The following OR2T2 variants were observed in gnomAD, a reference collection of about 807,000 sequenced individuals.
OR2T2 encodes olfactory receptor family 2 subfamily T member 2.
For synonymous variants in OR2T2, 50 were observed against 162.7 expected, an observed-to-expected ratio of 0.31 and a Z score of 5.27; for missense variants, 138 against 409.1, an observed-to-expected ratio of 0.34 and a Z score of 5.72.
intron 2 of OR2T2, among the ~76,000 whole-genome samples, chr1:248,447,861 T>C (rs1395100944): frequency 6.7e-6 from 1 of 150,164 alleles, no homozygotes; most frequent in Non-Finnish European, 1.5e-5. Flanking sequence ...TTCCATAGTT[T>C]TAGTTAACCT....
chr1:248,451,860 A>ATT (rs1273966529), intron 2 of OR2T2, among the ~76,000 whole-genome samples: 73 of 104,118 alleles, frequency 7.0e-4, no homozygotes, highest in African/African-American at 4.1e-3. Flanking sequence ...GTAGCAGTGG[A>ATT]TTACTAGGAT....
At chr1:248,446,909 G>C (rs1444835558) in intron 2 of OR2T2, 98 bp downstream of exon 2, 3 of 113,214 alleles carry the variant, frequency 2.6e-5, no homozygotes, top group East Asian at 4.6e-4. Context: ...TGCCATTATA[G>C]TGCTGATTTT....
At chr1:248,450,379 T>G (rs1438526523) in intron 2 of OR2T2, among the ~76,000 whole-genome samples, 2 of 145,090 alleles carry the variant, frequency 1.4e-5, no homozygotes, top group Non-Finnish European at 3.0e-5. Context: ...CTCGGTTGTA[T>G]AAAAATGAGG....
chr1:248,447,576 C>G (rs1662694717), intron 2 of OR2T2, among the ~76,000 whole-genome samples: 2 of 150,294 alleles, frequency 1.3e-5, no homozygotes, highest in South Asian at 4.3e-4. Flanking sequence ...CATTTGCGAG[C>G]CTTTTGACAT....
intron 2 of OR2T2, among the ~76,000 whole-genome samples, chr1:248,450,234 A>T (rs1187059075): frequency 6.8e-6 from 1 of 147,468 alleles, no homozygotes; most frequent in Admixed American, 6.6e-5. Flanking sequence ...TTTTCCCTAC[A>T]CATATCCCCA....
intron 2 of OR2T2, among the ~76,000 whole-genome samples, chr1:248,450,158 G>T (rs1412031414): frequency 1.4e-5 from 2 of 148,038 alleles, no homozygotes; most frequent in Non-Finnish European, 2.9e-5. Context: ...CTAAATATTG[G>T]CTTCATTGAA....
At chr1:248,452,323 G>A (rs1362204471) in intron 2 of OR2T2, among the ~76,000 whole-genome samples, 3 of 30,134 alleles carry the variant, frequency 1.0e-4, no homozygotes. Flanking sequence ...ACAAATAGAC[G>A]TCTGTGGATG....
chr1:248,453,138 T>C (rs1273360265), exon 3 of OR2T2: 2 of 1,612,946 alleles, frequency 1.2e-6, no homozygotes, highest in Non-Finnish European at 1.7e-6. Context: ...GGGGAATTCT[T>C]CCTGCTGGGT....
rs1303276440 is a variant in OR2T2 at position 248,446,822 on chromosome 1, A to T, written c.-23+11A>T. On this transcript the variant is annotated intron_variant, in intron 2 of 2. Transcript: ENST00000642130. ...GACAATGTAGTTTAGGTAAGTTGGC[A>T]TGTAGCATTAAAACCTGTATTCTTC... is the stretch of plus-strand genomic sequence containing the variant. 1 of 148,794 alleles carries T rather than the reference A, an allele frequency of 6.7e-6. No individual in the cohort carries two copies. Among genetic ancestry groups the T allele is most frequent in the African/African-American group, 2.6e-5 (1 of 38,240 alleles). The allele number at this position is 148,794 out of a possible 1,614,324, so 9.2% of individuals were successfully genotyped here.
chr1:248,453,058 G>C (rs746742043), exon 3 of OR2T2: 2 of 1,613,218 alleles, frequency 1.2e-6, no homozygotes, highest in African/African-American at 2.7e-5. Flanking sequence ...AGGACCTCCT[G>C]TCCAAGGACA....
chr1:248,446,523 C>G (rs987323984), intron 1 of OR2T2, 66 bp from the exon 2 acceptor site: 4 of 145,294 alleles, frequency 2.8e-5, no homozygotes, highest in Non-Finnish European at 5.9e-5. Context: ...CTCGCCTCGC[C>G]TCACCTCGCC....
chr1:248,449,979 T>TA (rs1421676174), intron 2 of OR2T2, among the ~76,000 whole-genome samples: 1 of 143,880 alleles, frequency 7.0e-6, no homozygotes. Context: ...ATCGTAATGC[T>TA]AAATAGCATC....
At chr1:248,451,930 C>CT (rs1662810613) in intron 2 of OR2T2, among the ~76,000 whole-genome samples, 1 of 105,238 alleles carries the variant, frequency 9.5e-6, no homozygotes. Context: ...AACATTTTGG[C>CT]TAAACAATAT....
chr1:248,447,776 TCA>T (rs1375563418), intron 2 of OR2T2, among the ~76,000 whole-genome samples: 12 of 152,236 alleles, frequency 7.9e-5, no homozygotes, highest in South Asian at 2.1e-4. Context: ...TAAGATCCTT[TCA>T]GTCTCTAGCC....
At chr1:248,453,498 G>T (rs145665149) in exon 3 of OR2T2, 3 of 1,588,418 alleles carry the variant, frequency 1.9e-6, no homozygotes, top group Non-Finnish European at 2.6e-6. Context: ...TCTGCTGAGG[G>T]CCGGCGCAAA....
intron 2 of OR2T2, among the ~76,000 whole-genome samples, chr1:248,448,087 T>C (rs1262999234): frequency 6.6e-6 from 1 of 152,192 alleles, no homozygotes; most frequent in East Asian, 1.9e-4. Context: ...GTAACTCAGT[T>C]TTTCTTAATG....
intron 2 of OR2T2, among the ~76,000 whole-genome samples, chr1:248,450,616 T>C (rs1662775504): frequency 6.6e-6 from 1 of 152,240 alleles, no homozygotes; most frequent in African/African-American, 2.4e-5. Context: ...GTTATTTTCT[T>C]AGGTCATTTT....
chr1:248,454,292 C>G, exon 3 of OR2T2: 4 of 57,480 alleles, frequency 7.0e-5, no homozygotes, highest in South Asian at 5.0e-4. Context: ...CCTTCTGTGT[C>G]TGTATTGCTA....
chr1:248,455,062 TTGG>T (rs1662904086), exon 3 of OR2T2: 1 of 151,644 alleles, frequency 6.6e-6, no homozygotes. Flanking sequence ...ATGTGTAACT[TTGG>T]TGGAATACTA....
Sources: gnomAD v4.1 joint callset for allele counts (sites outside exome capture counted in the v4.1 genomes callset) on GRCh38, gnomAD v4.1.1 for gene constraint, MANE v1.5 for transcripts, NCBI Gene and HGNC (gene_info 2026-07-23, HGNC 2026-07-21) for gene names.